Variants in ITGB5 observed in about 807,000 individuals in gnomAD.
ITGB5 encodes the protein integrin subunit beta 5, also known as integrin beta-5.
A neutral mutation model predicts 84.8 loss-of-function variants in ITGB5; 38 were observed. The observed-to-expected ratio is 0.45, with a 90% CI of 0.35 to 0.59. The LOEUF (loss-of-function observed/expected upper bound fraction) is 0.59, where lower values mean the gene tolerates loss of function less well. Ranked by LOEUF, ITGB5 falls within the 20% of genes least tolerant of loss-of-function variation. ITGB5 has a pLI of 0.01. For synonymous variants in ITGB5, 393 were observed against 414.4 expected, an observed-to-expected ratio of 0.95 and a Z score of 0.63; for missense variants, 905 against 1,034.5, an observed-to-expected ratio of 0.87 and a Z score of 1.72.
chr3:124,894,650 T>C (rs1277576125), intron 1 of ITGB5: 2 of 152,182 alleles, frequency 1.3e-5, no homozygotes, highest in Non-Finnish European at 2.9e-5. Flanking sequence ...CTAAAGGGCA[T>C]AGATTCCTTT....
chr3:124,797,391 C>T (rs2064247060), intron 9 of ITGB5, among the ~76,000 whole-genome samples: 1 of 152,146 alleles, frequency 6.6e-6, no homozygotes, highest in Admixed American at 6.5e-5. Flanking sequence ...CCCGAGTCCC[C>T]CGTGCCCCAA....
At chr3:124,806,265 C>G (rs574370795) in intron 9 of ITGB5, among the ~76,000 whole-genome samples, 20 of 152,284 alleles carry the variant, frequency 1.3e-4, no homozygotes, top group Middle Eastern at 3.4e-3. Flanking sequence ...CATCTCTTTT[C>G]CATCATACCT....
intron 10 of ITGB5, among the ~76,000 whole-genome samples, chr3:124,783,316 G>A (rs201032921): frequency 4.3e-5 from 6 of 140,462 alleles, no homozygotes; most frequent in Non-Finnish European, 4.8e-5. Flanking sequence ...AAAAAAAAGA[G>A]AGAGAGAGAG....
intron 10 of ITGB5, among the ~76,000 whole-genome samples, chr3:124,784,362 A>G (rs924197235): frequency 6.6e-5 from 10 of 151,978 alleles, no homozygotes; most frequent in Non-Finnish European, 1.2e-4. Flanking sequence ...AAAATTAGCC[A>G]GGCATGGTGG....
intron 7 of ITGB5, among the ~76,000 whole-genome samples, chr3:124,817,926 T>C (rs923390566): frequency 3.9e-5 from 6 of 152,128 alleles, no homozygotes; most frequent in East Asian, 1.9e-4. Flanking sequence ...TCCAGCCCTA[T>C]AGATCCATAG....
chr3:124,828,014 ACT>A (rs2064808361), intron 5 of ITGB5, among the ~76,000 whole-genome samples: 1 of 148,494 alleles, frequency 6.7e-6, no homozygotes, highest in African/African-American at 2.5e-5. Context: ...CCCTTCGCTG[ACT>A]CTCTTTTCAG....
chr3:124,855,724 C>T lies in ITGB5; in HGVS notation c.361+3518G>A, dbSNP rs1042357138. ...ACCACCAGCACTGGGCTCTCCACCACGACACCTTCCGCAAGACAGAGCTAC... is the reference window on the plus strand; with the variant it reads ...ACCACCAGCACTGGGCTCTCCACCATGACACCTTCCGCAAGACAGAGCTAC... On this transcript the variant is annotated intron_variant, in intron 3 of 14. Transcript: ENST00000296181. Among the ~76,000 whole-genome samples, 8 of 152,086 alleles carry T rather than the reference C, an allele frequency of 5.3e-5. No homozygotes were observed. The South Asian group carries it at 6.2e-4, about 12-fold the overall frequency.
intron 3 of ITGB5, among the ~76,000 whole-genome samples, chr3:124,855,110 C>T (rs186611462): frequency 6.6e-6 from 1 of 152,194 alleles, no homozygotes; most frequent in Non-Finnish European, 1.5e-5. Flanking sequence ...CCCAGGAGTT[C>T]GAGACCAGCT....
chr3:124,770,907 C>A (rs2063833338), intron 11 of ITGB5, among the ~76,000 whole-genome samples: 1 of 151,984 alleles, frequency 6.6e-6, no homozygotes, highest in Non-Finnish European at 1.5e-5. Flanking sequence ...CCCCACCCTC[C>A]CCCTGCACCA....
Position 124,796,837 on chromosome 3 carries a change from G to T in ITGB5, c.1264-20C>A. 6.4e-7 allele frequency: 1 copy of T among 1,570,500 alleles called. No individual in the cohort carries two copies. The highest frequency in any genetic ancestry group is 1.2e-5 in the South Asian group (1 of 83,732). On this transcript the variant is annotated intron_variant, in intron 9 of 14. Transcript: ENST00000296181. ...AGATGCCTGGGCAGAAGGAAGAGAAGGGATATCATGGCTGCGGCAAGCCAG... is the reference window on the plus strand; with the variant it reads ...AGATGCCTGGGCAGAAGGAAGAGAATGGATATCATGGCTGCGGCAAGCCAG...
intron 2 of ITGB5, chr3:124,863,135 T>C (rs546792947): frequency 1.3e-5 from 2 of 152,334 alleles, no homozygotes; most frequent in South Asian, 2.1e-4. Context: ...GTTTTGTTGA[T>C]GTGCTCAACA....
intron 5 of ITGB5, among the ~76,000 whole-genome samples, chr3:124,829,611 T>G (rs2064831424): frequency 6.6e-6 from 1 of 152,180 alleles, no homozygotes; most frequent in Non-Finnish European, 1.5e-5. Context: ...TTTCAGCCAG[T>G]GCTCTCCTCT....
At chr3:124,874,386 G>A (rs551558054) in intron 1 of ITGB5, among the ~76,000 whole-genome samples, 6 of 151,608 alleles carry the variant, frequency 4.0e-5, no homozygotes, top group African/African-American at 7.3e-5. Context: ...CTGTGCTCAC[G>A]GTTTGGAAGA....
intron 9 of ITGB5, among the ~76,000 whole-genome samples, chr3:124,804,636 C>A (rs1287469391): frequency 1.3e-5 from 2 of 152,120 alleles, no homozygotes; most frequent in African/African-American, 4.8e-5. Context: ...AACACAGCTT[C>A]AACTGGCATT....
At chr3:124,822,921 C>T (rs879551724) in intron 5 of ITGB5, among the ~76,000 whole-genome samples, 6 of 152,028 alleles carry the variant, frequency 3.9e-5, no homozygotes, top group South Asian at 2.1e-4. Context: ...GGCTTCCCAG[C>T]GCAGACGAAA....
chr3:124,788,075 T>A (rs1286060684), intron 10 of ITGB5, among the ~76,000 whole-genome samples: 1 of 152,070 alleles, frequency 6.6e-6, no homozygotes. Context: ...GCCTGGATAA[T>A]TTTTTGTAGA....
chr3:124,899,062 T>A (rs1411243340), intron 1 of ITGB5, among the ~76,000 whole-genome samples: 2 of 146,426 alleles, frequency 1.4e-5, no homozygotes, highest in Non-Finnish European at 3.0e-5. Context: ...GTGATAAGAG[T>A]GAGACTCTGT....
chr3:124,838,784 G>C (rs1011715546), intron 5 of ITGB5, among the ~76,000 whole-genome samples: 19 of 152,102 alleles, frequency 1.2e-4, no homozygotes, highest in Non-Finnish European at 2.5e-4. Context: ...TGTATTTTTA[G>C]TAGAGACGGG....
At chr3:124,772,340 C>G (rs1249788890) in intron 11 of ITGB5, among the ~76,000 whole-genome samples, 1 of 152,216 alleles carries the variant, frequency 6.6e-6, no homozygotes, top group Non-Finnish European at 1.5e-5. Context: ...CTTTCAATTA[C>G]CCACGCCTGG....
Sources: gnomAD v4.1 joint callset for allele counts (sites outside exome capture counted in the v4.1 genomes callset) on GRCh38, gnomAD v4.1.1 for gene constraint, MANE v1.5 for transcripts, NCBI Gene and HGNC (gene_info 2026-07-23, HGNC 2026-07-21) for gene names.